AUTS2: variants seen among roughly 807,000 people sequenced by gnomAD.
AUTS2 encodes activator of transcription and developmental regulator AUTS2.
AUTS2 carries 17 observed loss-of-function variants against 112.4 expected under a neutral mutation model. The observed-to-expected ratio is 0.15, with a 90% CI of 0.10 to 0.23. The LOEUF (loss-of-function observed/expected upper bound fraction) is 0.23. AUTS2 is among the 10% of genes least tolerant of loss of function. AUTS2 has a pLI of 1.00. For synonymous variants in AUTS2, 751 were observed against 702.7 expected (o/e 1.07, Z -1.09); for missense variants, 1,510 against 1,701.6 (o/e 0.89, Z 1.98).
intron 2 of AUTS2, among the ~76,000 whole-genome samples, chr7:70,018,632 T>C (rs1196996470): frequency 1.3e-5 from 2 of 152,212 alleles, no homozygotes; most frequent in African/African-American, 2.4e-5. Context: ...AAAAAGCAAG[T>C]AGTGCTCAAT....
intron 1 of AUTS2, among the ~76,000 whole-genome samples, chr7:69,895,732 A>C (rs1370303702): frequency 1.3e-5 from 2 of 152,220 alleles, no homozygotes; most frequent in African/African-American, 4.8e-5. Context: ...ATGGATTTGG[A>C]AAAAATTATA....
intron 2 of AUTS2, among the ~76,000 whole-genome samples, chr7:69,961,447 ATTC>A (rs1336599595): frequency 6.6e-6 from 1 of 152,170 alleles, no homozygotes; most frequent in African/African-American, 2.4e-5. Flanking sequence ...TAGTGTACCT[ATTC>A]TTAGGAACCT....
At chr7:70,628,824 G>A (rs1805101830) in intron 5 of AUTS2, among the ~76,000 whole-genome samples, 2 of 152,088 alleles carry the variant, frequency 1.3e-5, no homozygotes, top group African/African-American at 2.4e-5. Context: ...ACGGGTAAAC[G>A]GGCAGGAGAC....
intron 1 of AUTS2, among the ~76,000 whole-genome samples, chr7:69,739,427 T>C (rs1787170780): frequency 6.6e-6 from 1 of 152,144 alleles, no homozygotes; most frequent in Non-Finnish European, 1.5e-5. Flanking sequence ...GCTCCTGATG[T>C]GGGTACACAC....
chr7:70,397,381 A>G (rs1238718797), intron 4 of AUTS2, among the ~76,000 whole-genome samples: 1 of 152,022 alleles, frequency 6.6e-6, no homozygotes. Flanking sequence ...TAGCCATTCT[A>G]ATACACATGC....
At chr7:69,779,853 C>A (rs1363688847) in intron 1 of AUTS2, among the ~76,000 whole-genome samples, 1 of 150,496 alleles carries the variant, frequency 6.6e-6, no homozygotes, top group Non-Finnish European at 1.5e-5. Context: ...GTGACTTATT[C>A]TTTATTTTGT....
chr7:70,513,166 T>C (rs1278764522), intron 5 of AUTS2, among the ~76,000 whole-genome samples: 1 of 152,202 alleles, frequency 6.6e-6, no homozygotes, highest in Non-Finnish European at 1.5e-5. Context: ...TTGCCTTCAT[T>C]TGACAACTTG....
intron 1 of AUTS2, among the ~76,000 whole-genome samples, chr7:69,605,288 A>C (rs1439569349): frequency 6.6e-6 from 1 of 152,168 alleles, no homozygotes; most frequent in Non-Finnish European, 1.5e-5. Context: ...GCTGCTTCTT[A>C]AGCAGGAGTG....
intron 5 of AUTS2, among the ~76,000 whole-genome samples, chr7:70,527,050 G>A (rs1799870718): frequency 6.6e-6 from 1 of 152,146 alleles, no homozygotes; most frequent in Non-Finnish European, 1.5e-5. Context: ...TCTTGGTGCT[G>A]GTATCACACA....
At chr7:70,448,662 C>A (rs749051173) in intron 5 of AUTS2, among the ~76,000 whole-genome samples, 1 of 152,138 alleles carries the variant, frequency 6.6e-6, no homozygotes, top group Non-Finnish European at 1.5e-5. Context: ...TAATGTATTC[C>A]TCAGAGACAG....
At chr7:70,414,151 A>T (rs908476173) in intron 4 of AUTS2, among the ~76,000 whole-genome samples, 1 of 152,232 alleles carries the variant, frequency 6.6e-6, no homozygotes, top group Non-Finnish European at 1.5e-5. Flanking sequence ...GTTGAGTACG[A>T]TAGCATGGAA....
At chr7:70,674,905 G>T (rs1807830207) in intron 5 of AUTS2, among the ~76,000 whole-genome samples, 1 of 152,196 alleles carries the variant, frequency 6.6e-6, no homozygotes, top group Admixed American at 6.5e-5. Context: ...ATTGTGTTTT[G>T]TTATGGAAAA....
chr7:70,069,430 G>A (rs146823463), intron 2 of AUTS2, among the ~76,000 whole-genome samples: 58 of 152,302 alleles, frequency 3.8e-4, no homozygotes, highest in Middle Eastern at 3.4e-3. Flanking sequence ...TGTCATACAG[G>A]ATCAGTTAGG....
At chr7:69,704,658 A>G (rs1345333735) in intron 1 of AUTS2, among the ~76,000 whole-genome samples, 3 of 152,280 alleles carry the variant, frequency 2.0e-5, no homozygotes, top group South Asian at 2.1e-4. Context: ...TACAAATAAA[A>G]TATAACCAGT....
chr7:70,267,525 G>A (rs1053486088), intron 4 of AUTS2, among the ~76,000 whole-genome samples: 3 of 152,158 alleles, frequency 2.0e-5, no homozygotes, highest in South Asian at 4.1e-4. Flanking sequence ...CTTTTGGAAT[G>A]CCTTTTCCTT....
intron 1 of AUTS2, among the ~76,000 whole-genome samples, chr7:69,835,642 C>G (rs1791689331): frequency 6.6e-6 from 1 of 152,162 alleles, no homozygotes; most frequent in Admixed American, 6.6e-5. Flanking sequence ...AGCAAGATTT[C>G]TAGAGATTGC....
chr7:70,128,450 G>A (rs575536809), intron 3 of AUTS2, among the ~76,000 whole-genome samples: 2 of 152,280 alleles, frequency 1.3e-5, no homozygotes, highest in East Asian at 1.9e-4. Flanking sequence ...TAACTAGTGT[G>A]ATTAGATAAG....
At chr7:70,545,427 C>T (rs372309613) in intron 5 of AUTS2, among the ~76,000 whole-genome samples, 12 of 152,188 alleles carry the variant, frequency 7.9e-5, no homozygotes, top group African/African-American at 2.9e-4. Context: ...AGGCATAAGC[C>T]ACTCACCCAT....
intron 1 of AUTS2, among the ~76,000 whole-genome samples, chr7:69,655,029 C>T (rs915101687): frequency 1.3e-5 from 2 of 152,128 alleles, no homozygotes; most frequent in Non-Finnish European, 1.5e-5. Flanking sequence ...CCACAGGCAG[C>T]AAGTGTGTCG....
Sources: allele counts gnomAD v4.1 joint callset (sites outside exome capture counted in the v4.1 genomes callset), GRCh38; gene constraint gnomAD v4.1.1; transcripts MANE v1.5; gene names NCBI Gene and HGNC (gene_info 2026-07-23, HGNC 2026-07-21).